The following PLEKHB2 variants were observed in gnomAD, a reference collection of about 807,000 sequenced individuals.
The protein encoded by PLEKHB2 is pleckstrin homology domain-containing family B member 2.
A neutral mutation model predicts 36.5 loss-of-function variants in PLEKHB2; 31 were observed. That is an observed-to-expected ratio of 0.85 (90% CI 0.64 to 1.15). The LOEUF is 1.15. Among genes scored for constraint, PLEKHB2 ranks in the 50% most tolerant of loss-of-function variants. The pLI, the probability that PLEKHB2 is intolerant of heterozygous loss-of-function variation, is 0.00. For missense variants in PLEKHB2, 262 were observed against 295.3 expected (o/e 0.89, Z 0.83); for synonymous variants, 119 against 112.0 (o/e 1.06, Z -0.39).
At chr2:131,113,986 T>C (rs956061229) in intron 1 of PLEKHB2, among the ~76,000 whole-genome samples, 1 of 152,192 alleles carries the variant, frequency 6.6e-6, no homozygotes, top group Non-Finnish European at 1.5e-5. Context: ...GTGTTTTGGC[T>C]TCTGTTAGCA....
At chr2:131,137,182 C>G (rs540284478) in intron 6 of PLEKHB2, among the ~76,000 whole-genome samples, 1 of 149,020 alleles carries the variant, frequency 6.7e-6, no homozygotes, top group African/African-American at 2.6e-5. Context: ...CTCCTGACCT[C>G]GTGATCTGCC....
chr2:131,124,880 C>T (rs1573570041), intron 2 of PLEKHB2, among the ~76,000 whole-genome samples: 2 of 151,672 alleles, frequency 1.3e-5, no homozygotes. Flanking sequence ...CCACCTCCTG[C>T]GTTCAAGCGA....
intron 1 of PLEKHB2, chr2:131,107,458 C>T (rs1297392267): frequency 6.6e-6 from 1 of 152,238 alleles, no homozygotes; most frequent in Non-Finnish European, 1.5e-5. Context: ...CCTTCTGTTT[C>T]AGAATGTACC....
At chr2:131,135,099 G>A (rs1368718204) in intron 6 of PLEKHB2, among the ~76,000 whole-genome samples, 1 of 151,830 alleles carries the variant, frequency 6.6e-6, no homozygotes, top group African/African-American at 2.4e-5. Context: ...GAGACAGAGT[G>A]TCTCTCTTAT....
intron 1 of PLEKHB2, among the ~76,000 whole-genome samples, chr2:131,120,000 A>T (rs1460213189): frequency 7.2e-6 from 1 of 138,350 alleles, no homozygotes; most frequent in African/African-American, 2.7e-5. Flanking sequence ...ACAGAGTCTT[A>T]CTCTGTTGCC....
chr2:131,126,803 T>G lies in PLEKHB2; in HGVS notation c.293+17T>G. The G allele has an allele frequency of 7.3e-7, 1 of 1,366,960 alleles. No homozygotes were observed. The allele number at this position is 1,366,960 out of a possible 1,614,324, so 84.7% of individuals were successfully genotyped here. On this transcript the variant is annotated intron_variant, in intron 4 of 7. Transcript: ENST00000693505. ...TGATTGCTTGTAAGTTTTGCTTTCT[T>G]ATGTGTTTAATTTAAAAAGTATTTT...
intron 7 of PLEKHB2, among the ~76,000 whole-genome samples, chr2:131,142,436 G>C (rs1012366649): frequency 2.6e-5 from 4 of 151,518 alleles, no homozygotes; most frequent in Admixed American, 2.6e-4. Context: ...CATATTGGGT[G>C]ATGTATTATT....
Position 131,136,382 on chromosome 2 carries a change from T to G in PLEKHB2, c.423+3391T>G, listed in dbSNP as rs76772755. Reference sequence around the variant, plus strand: ...CACCATGGCTGCAAAAAAATTTTTTTTTTTTGTTGTAGAGACAGGGTCTTG... The same window carrying G: ...CACCATGGCTGCAAAAAAATTTTTTGTTTTTGTTGTAGAGACAGGGTCTTG... On this transcript the variant is annotated intron_variant, in intron 6 of 7. Coordinates refer to ENST00000693505, the MANE Select transcript of PLEKHB2 (RefSeq NM_001100623.2). Among the ~76,000 whole-genome samples, 472 of 151,464 alleles carry G rather than the reference T, an allele frequency of 3.1e-3. 4 individuals carry two copies. The highest frequency in any genetic ancestry group is 6.8e-3 in the Middle Eastern group (2 of 294).
At chr2:131,137,170 A>G (rs1467274150) in intron 6 of PLEKHB2, among the ~76,000 whole-genome samples, 2 of 148,986 alleles carry the variant, frequency 1.3e-5, no homozygotes, top group Non-Finnish European at 2.9e-5. Context: ...GACGGTCTCG[A>G]TCTCCTGACC....
chr2:131,136,053 G>A (rs1337979628), intron 6 of PLEKHB2, among the ~76,000 whole-genome samples: 2 of 152,002 alleles, frequency 1.3e-5, no homozygotes, highest in Admixed American at 6.6e-5. Context: ...TTAGCTGGAG[G>A]TTTTTTATAT....
chr2:131,108,610 T>C (rs951068369), intron 1 of PLEKHB2, among the ~76,000 whole-genome samples: 8 of 152,222 alleles, frequency 5.3e-5, no homozygotes, highest in East Asian at 3.8e-4. Context: ...ACCCTAATGA[T>C]AGCTGATGCA....
chr2:131,113,047 C>T (rs2104786989), intron 1 of PLEKHB2, among the ~76,000 whole-genome samples: 1 of 152,002 alleles, frequency 6.6e-6, no homozygotes, highest in South Asian at 2.1e-4. Flanking sequence ...GATAGTGTGA[C>T]AGTTGAATTG....
intron 7 of PLEKHB2, chr2:131,144,470 CT>C (rs1307665037): frequency 1.7e-5 from 19 of 1,145,332 alleles, no homozygotes; most frequent in Admixed American, 4.2e-5. Flanking sequence ...GAGCAGACTT[CT>C]AGATTTGGGG....
chr2:131,128,459 T>C (rs960633965), intron 4 of PLEKHB2, among the ~76,000 whole-genome samples: 7 of 152,202 alleles, frequency 4.6e-5, no homozygotes, highest in Non-Finnish European at 8.8e-5. Context: ...TTTAAAATTG[T>C]ATCTCCCTGT....
intron 2 of PLEKHB2, among the ~76,000 whole-genome samples, chr2:131,122,219 A>G (rs1053046443): frequency 2.0e-5 from 3 of 152,110 alleles, no homozygotes; most frequent in African/African-American, 7.2e-5. Flanking sequence ...CCGGCCTCAT[A>G]CTGTGTTTTA....
chr2:131,121,283 T>C (rs1696484506), intron 2 of PLEKHB2, among the ~76,000 whole-genome samples: 1 of 152,194 alleles, frequency 6.6e-6, no homozygotes, highest in African/African-American at 2.4e-5. Flanking sequence ...GAGGCAGAGT[T>C]TCACTCTTGT....
At chr2:131,105,854 G>C (rs895438017) in intron 1 of PLEKHB2, among the ~76,000 whole-genome samples, 1 of 152,080 alleles carries the variant, frequency 6.6e-6, no homozygotes, top group Admixed American at 6.6e-5. Flanking sequence ...CCCGCCGCCT[G>C]GGGTCTCCCG....
chr2:131,111,058 G>A (rs1695264909), intron 1 of PLEKHB2, among the ~76,000 whole-genome samples: 1 of 152,106 alleles, frequency 6.6e-6, no homozygotes. Flanking sequence ...AGGCTGGAAT[G>A]CAGTGGTGGG....
At chr2:131,135,663 G>A (rs979660542) in intron 6 of PLEKHB2, among the ~76,000 whole-genome samples, 1 of 151,946 alleles carries the variant, frequency 6.6e-6, no homozygotes, top group African/African-American at 2.4e-5. Context: ...GAGTGCAGTG[G>A]CGAGATCTCG....
Sources: gnomAD v4.1 joint callset for allele counts (sites outside exome capture counted in the v4.1 genomes callset) on GRCh38, gnomAD v4.1.1 for gene constraint, MANE v1.5 for transcripts, NCBI Gene and HGNC (gene_info 2026-07-23, HGNC 2026-07-21) for gene names.